PDXDC1: variants seen among roughly 807,000 people sequenced by gnomAD.
PDXDC1 encodes pyridoxal dependent decarboxylase domain containing 1.
PDXDC1 carries 42 observed loss-of-function variants against 100.1 expected under a neutral mutation model. The observed-to-expected ratio is 0.42, with a 90% CI of 0.33 to 0.54. The LOEUF is 0.54. PDXDC1 is among the 20% of genes least tolerant of loss of function. The probability of loss-of-function intolerance (pLI) is 0.10; values close to 1 mark genes in which losing one functional copy is unlikely to be tolerated. For synonymous variants in PDXDC1, 260 were observed against 371.7 expected (o/e 0.70, Z 3.46); for missense variants, 636 against 979.2 (o/e 0.65, Z 4.68).
At chr16:14,994,201 T>G (rs1162673676) in intron 1 of PDXDC1, among the ~76,000 whole-genome samples, 1 of 152,280 alleles carries the variant, frequency 6.6e-6, no homozygotes, top group Admixed American at 6.5e-5. Flanking sequence ...GGTTTATACA[T>G]GAAGTCCTTG....
chr16:15,063,673 C>A (rs2044819278), intron 16 of PDXDC1, among the ~76,000 whole-genome samples: 2 of 141,524 alleles, frequency 1.4e-5, no homozygotes, highest in African/African-American at 5.3e-5. Context: ...CCACTGCACT[C>A]CAGCCTGGGA....
intron 16 of PDXDC1, chr16:15,084,758 C>G (rs920800931): frequency 9.6e-6 from 12 of 1,248,040 alleles, no homozygotes; most frequent in African/African-American, 1.5e-5. Context: ...TGAAGGGCGA[C>G]ACGCTTGAAG....
chr16:15,144,682 TGG>T, the PDXDC1 span, among the ~76,000 whole-genome samples: 7 of 152,140 alleles, frequency 4.6e-5, no homozygotes, highest in Admixed American at 4.6e-4. Context: ...GGGGGTGACA[TGG>T]GCAGCCTCAG....
At chr16:15,029,760 A>G (rs2042916845) in intron 15 of PDXDC1, 191 bp from the exon 16 acceptor site, 3 of 577,912 alleles carry the variant, frequency 5.2e-6, no homozygotes, top group South Asian at 4.8e-5. Flanking sequence ...TCTACAATGA[A>G]CTTGTATTAA....
rs2941263 is a variant in PDXDC1, at chr16:15,130,969, G to A, written c.1400-7910G>A. 2.3e-5 allele frequency: 18 copies of A among 771,526 alleles called. No individual in the cohort carries two copies. The East Asian group carries it at 4.0e-4, about 17-fold the overall frequency. The allele number at this position is 771,526 out of a possible 1,614,324, so 47.8% of individuals were successfully genotyped here. A position where few individuals can be genotyped will look rare whatever the true frequency, so the allele number is the denominator to read the frequency against. ...CAGCTCCTCTCCGGCCAGGCCCCCA[G>A]CAGCCCATGAAACAGAAAGCAAATT... On this transcript the variant is annotated intron_variant, in intron 16 of 16. Transcript: ENST00000535621.
chr16:15,133,702 G>A (rs2048215751), intron 16 of PDXDC1: 4 of 1,602,068 alleles, frequency 2.5e-6, no homozygotes, highest in African/African-American at 2.7e-5. Context: ...CGTCATGCCA[G>A]CCTGAGGGAC....
At chr16:15,077,660 T>C (rs1184553611) in intron 16 of PDXDC1, among the ~76,000 whole-genome samples, 1 of 152,060 alleles carries the variant, frequency 6.6e-6, no homozygotes, top group Non-Finnish European at 1.5e-5. Flanking sequence ...GCTAACACGG[T>C]GAAACCCCAT....
chr16:15,078,540 C>G (rs999855699), intron 16 of PDXDC1, among the ~76,000 whole-genome samples: 3 of 152,182 alleles, frequency 2.0e-5, no homozygotes, highest in Non-Finnish European at 4.4e-5. Context: ...CTCTTTTCAT[C>G]TTTCTAAAAA....
chr16:14,990,071 C>A, intron 1 of PDXDC1: 1 of 1,494,424 alleles, frequency 6.7e-7, no homozygotes, highest in Admixed American at 2.1e-5. Flanking sequence ...ACAGAAGCAG[C>A]AGTAGGAGGC....
chr16:15,058,078 G>A (rs187878715), intron 16 of PDXDC1, among the ~76,000 whole-genome samples: 31 of 152,260 alleles, frequency 2.0e-4, no homozygotes, highest in African/African-American at 7.2e-5. Flanking sequence ...TTGAAAGGCC[G>A]AAGGAGGACT....
intron 1 of PDXDC1, among the ~76,000 whole-genome samples, chr16:14,997,297 G>A (rs1279742993): frequency 2.0e-5 from 3 of 152,294 alleles, no homozygotes; most frequent in Admixed American, 6.5e-5. Flanking sequence ...AGCACTTTGG[G>A]AAGCCAAGGC....
chr16:14,990,117 G>A (rs1481285864), intron 1 of PDXDC1: 2 of 1,470,068 alleles, frequency 1.4e-6, no homozygotes, highest in East Asian at 3.2e-5. Flanking sequence ...CCAGCTGCTC[G>A]ACAGCAGTCC....
intron 16 of PDXDC1, chr16:15,125,396 G>A (rs1485620483): frequency 3.5e-5 from 27 of 760,826 alleles, no homozygotes; most frequent in South Asian, 2.9e-4. Context: ...GTCCAGTCAC[G>A]CACGGACACC....
At chr16:15,096,999 C>CAG (rs1408413459) in intron 16 of PDXDC1, among the ~76,000 whole-genome samples, 5 of 152,190 alleles carry the variant, frequency 3.3e-5, no homozygotes, top group African/African-American at 1.2e-4. Flanking sequence ...CAGTGACTCA[C>CAG]ACCTGTAATG....
intron 16 of PDXDC1, chr16:15,133,275 C>T (rs893203787): frequency 2.0e-5 from 31 of 1,581,040 alleles, no homozygotes; most frequent in African/African-American, 5.4e-5. Flanking sequence ...TCGTTCAGGA[C>T]GGTGACCAGG....
chr16:14,978,503 CCT>C (rs1307356344), intron 1 of PDXDC1, among the ~76,000 whole-genome samples: 1 of 152,296 alleles, frequency 6.6e-6, no homozygotes, highest in Non-Finnish European at 1.5e-5. Context: ...GATCCTCGCG[CCT>C]CAGCCTCCTG....
intron 16 of PDXDC1, chr16:15,130,291 G>C (rs545338608): frequency 2.6e-6 from 4 of 1,536,672 alleles, no homozygotes; most frequent in East Asian, 4.9e-5. Context: ...GCCTGGCGGG[G>C]CGAGGTCTCC....
intron 16 of PDXDC1, among the ~76,000 whole-genome samples, chr16:15,031,513 C>A (rs1005861479): frequency 6.6e-6 from 1 of 152,184 alleles, no homozygotes; most frequent in Admixed American, 6.5e-5. Flanking sequence ...TGGGCCACAT[C>A]TGTGAGAGAA....
chr16:15,053,416 C>A (rs997637406), intron 16 of PDXDC1, among the ~76,000 whole-genome samples: 1 of 152,206 alleles, frequency 6.6e-6, no homozygotes, highest in Non-Finnish European at 1.5e-5. Flanking sequence ...ACTCCATACT[C>A]AGAACACATC....
Sources: allele counts gnomAD v4.1 joint callset (sites outside exome capture counted in the v4.1 genomes callset), GRCh38; gene constraint gnomAD v4.1.1; transcripts MANE v1.5; gene names NCBI Gene and HGNC (gene_info 2026-07-23, HGNC 2026-07-21).